ZBTB44: variants seen among roughly 807,000 people sequenced by gnomAD.
ZBTB44 encodes the protein zinc finger and BTB domain containing 44.
Under a neutral mutation model 54.0 loss-of-function variants are expected in ZBTB44, and 15 were observed. The observed-to-expected ratio is 0.28, with a 90% CI of 0.19 to 0.43. ZBTB44 has a LOEUF of 0.43. Among genes scored for constraint, ZBTB44 ranks in the 20% least tolerant of loss-of-function variants. The pLI is 1.00. For synonymous variants in ZBTB44, 230 were observed against 250.1 expected (o/e 0.92, Z 0.76); for missense variants, 487 against 707.1 (o/e 0.69, Z 3.53).
At chr11:130,311,016 T>G (rs753515469) in intron 1 of ZBTB44, among the ~76,000 whole-genome samples, 1 of 152,208 alleles carries the variant, frequency 6.6e-6, no homozygotes, top group East Asian at 1.9e-4. Flanking sequence ...ATCAAATTGG[T>G]AGCATAACCA....
intron 2 of ZBTB44, among the ~76,000 whole-genome samples, chr11:130,244,667 G>GGGGAAA (rs1257316227): frequency 3.4e-4 from 36 of 104,800 alleles, no homozygotes; most frequent in African/African-American, 9.8e-4. Flanking sequence ...ACTCTGTCTG[G>GGGGAAA]AAAAAAAAAA....
chr11:130,247,177 A>G (rs1317529551), intron 2 of ZBTB44, among the ~76,000 whole-genome samples: 1 of 151,948 alleles, frequency 6.6e-6, no homozygotes. Flanking sequence ...AGCCCTAAAA[A>G]CCCCATGGTG....
At chr11:130,296,782 A>C (rs1385181730) in intron 1 of ZBTB44, 2 of 775,106 alleles carry the variant, frequency 2.6e-6, no homozygotes, top group Non-Finnish European at 4.7e-6. Context: ...AAGTCAGCCC[A>C]GGAAGCATAT....
In ZBTB44 at chr11:130,239,871, C is replaced by T; in HGVS notation, c.1044G>A (p.Glu348=). ...ACGTGCTTTGAAGTGTAGGCAAGCCCTCAGAAACGCCTTCATCTACTGAGC... is the reference window on the plus strand; with the variant it reads ...ACGTGCTTTGAAGTGTAGGCAAGCCTTCAGAAACGCCTTCATCTACTGAGC... ...SIGSVDEGVS[E]GLPTLQSTSS... Residue 348 remains glutamate, a synonymous_variant, in exon 3 of 8, where the codon GAG becomes GAA. Transcript: ENST00000357899. 1 of 1,611,674 alleles carries T rather than the reference C, an allele frequency of 6.2e-7. No individual in the cohort carries two copies. Among genetic ancestry groups the T allele is most frequent in the South Asian group, 1.1e-5 (1 of 90,450 alleles).
chr11:130,287,362 A>G (rs922867059), intron 1 of ZBTB44, among the ~76,000 whole-genome samples: 5 of 152,194 alleles, frequency 3.3e-5, no homozygotes, highest in Non-Finnish European at 7.3e-5. Context: ...AACTATGCCT[A>G]TTACCAAGAG....
intron 1 of ZBTB44, among the ~76,000 whole-genome samples, chr11:130,313,969 T>G (rs1359204594): frequency 4.0e-5 from 6 of 151,422 alleles, no homozygotes; most frequent in Non-Finnish European, 8.9e-5. Flanking sequence ...TATATATATT[T>G]TTTTAAAGAA....
intron 1 of ZBTB44, among the ~76,000 whole-genome samples, chr11:130,289,481 CAAAAA>C (rs796256653): frequency 1.5e-5 from 1 of 64,590 alleles, no homozygotes. Flanking sequence ...GACTCTGCCT[CAAAAA>C]AAAAAAAAAA....
At chr11:130,265,931 G>A (rs1056297724) in intron 1 of ZBTB44, among the ~76,000 whole-genome samples, 2 of 152,216 alleles carry the variant, frequency 1.3e-5, no homozygotes, top group East Asian at 3.8e-4. Context: ...GCTGCAACAA[G>A]TTATCCAGAA....
At chr11:130,255,053 A>T (rs1425073709) in intron 2 of ZBTB44, among the ~76,000 whole-genome samples, 3 of 128,030 alleles carry the variant, frequency 2.3e-5, no homozygotes, top group African/African-American at 6.0e-5. Context: ...GAAGGGGAAC[A>T]TCACACACTG....
At chr11:130,292,135 T>C (rs1941336468) in intron 1 of ZBTB44, among the ~76,000 whole-genome samples, 1 of 152,246 alleles carries the variant, frequency 6.6e-6, no homozygotes, top group Non-Finnish European at 1.5e-5. Flanking sequence ...TTTCATTGCA[T>C]GGATGTAACA....
intron 3 of ZBTB44, 94 bp downstream of exon 3, chr11:130,239,718 T>C (rs1475192464): frequency 7.1e-6 from 7 of 984,424 alleles, no homozygotes; most frequent in Non-Finnish European, 1.1e-5. Context: ...AGTGAGGTTG[T>C]AATAAACTTC....
chr11:130,240,635 C>T (rs1050179109), intron 2 of ZBTB44, among the ~76,000 whole-genome samples: 8 of 152,224 alleles, frequency 5.3e-5, no homozygotes, highest in Admixed American at 2.6e-4. Context: ...ACAAGCCACA[C>T]GAAAGCACGG....
intron 2 of ZBTB44, among the ~76,000 whole-genome samples, chr11:130,245,229 C>T (rs552451026): frequency 6.2e-4 from 95 of 152,202 alleles, no homozygotes; most frequent in African/African-American, 1.7e-3. Flanking sequence ...CTCTATCAAA[C>T]GGCATTCCTG....
intron 1 of ZBTB44, among the ~76,000 whole-genome samples, chr11:130,288,992 TTAAA>T (rs554963810): frequency 6.6e-5 from 10 of 152,140 alleles, no homozygotes; most frequent in Non-Finnish European, 1.5e-4. Flanking sequence ...GGACTGCTGT[TTAAA>T]TAAACCACAG....
chr11:130,308,465 G>A (rs1174102900), intron 1 of ZBTB44, among the ~76,000 whole-genome samples: 2 of 152,108 alleles, frequency 1.3e-5, no homozygotes, highest in African/African-American at 2.4e-5. Context: ...TGATACTCTA[G>A]GCAAGTCATT....
intron 1 of ZBTB44, among the ~76,000 whole-genome samples, chr11:130,264,095 T>C (rs973753722): frequency 2.6e-5 from 4 of 152,310 alleles, no homozygotes; most frequent in Admixed American, 1.3e-4. Flanking sequence ...AGGCAAGTCA[T>C]TAAACAAACC....
At chr11:130,262,118 G>C (rs1190958342) in intron 1 of ZBTB44, among the ~76,000 whole-genome samples, 189 bp from the exon 2 acceptor site, 1 of 152,092 alleles carries the variant, frequency 6.6e-6, no homozygotes, top group Non-Finnish European at 1.5e-5. Context: ...AATCAGTGAA[G>C]TCTGTGAACC....
chr11:130,250,786 A>T (rs1268993611), intron 2 of ZBTB44, among the ~76,000 whole-genome samples: 2 of 152,222 alleles, frequency 1.3e-5, no homozygotes, highest in Non-Finnish European at 2.9e-5. Context: ...ACCCATCCAA[A>T]GGTCACCAGC....
At chr11:130,296,984 G>GA (rs1941692352) in intron 1 of ZBTB44, 1 of 744,114 alleles carries the variant, frequency 1.3e-6, no homozygotes. Context: ...AGAAAATCAA[G>GA]AAAGTTGAGA....
Sources: gnomAD v4.1 joint callset for allele counts (sites outside exome capture counted in the v4.1 genomes callset) on GRCh38, gnomAD v4.1.1 for gene constraint, MANE v1.5 for transcripts, NCBI Gene and HGNC (gene_info 2026-07-23, HGNC 2026-07-21) for gene names.